Variants in EYS observed in about 807,000 individuals in gnomAD.
EYS encodes the protein EGF-like photoreceptor maintenance factor, also known as protein eyes shut homolog.
Under a neutral mutation model 282.1 loss-of-function variants are expected in EYS, and 250 were observed. The observed-to-expected ratio is 0.89, with a 90% CI of 0.80 to 0.98. The LOEUF (loss-of-function observed/expected upper bound fraction) is 0.98. Ranked by LOEUF, EYS falls within the 50% of genes least tolerant of loss-of-function variation. The pLI, the probability that EYS is intolerant of heterozygous loss-of-function variation, is 0.00. For missense variants in EYS, 4,016 were observed against 3,709.0 expected, an observed-to-expected ratio of 1.08 and a Z score of -2.15; for synonymous variants, 1,355 against 1,282.9, an observed-to-expected ratio of 1.06 and a Z score of -1.20.
At chr6:65,440,456 T>G (rs1379931555) in intron 5 of EYS, among the ~76,000 whole-genome samples, 2 of 151,910 alleles carry the variant, frequency 1.3e-5, no homozygotes, top group Non-Finnish European at 2.9e-5. Context: ...CTAAATTTTA[T>G]GAAAATGAAA....
intron 12 of EYS, among the ~76,000 whole-genome samples, chr6:65,063,342 A>G (rs562463596): frequency 5.9e-5 from 9 of 152,110 alleles, no homozygotes; most frequent in African/African-American, 2.2e-4. Context: ...TGTATTATAA[A>G]CTACATTTAT....
intron 2 of EYS, among the ~76,000 whole-genome samples, chr6:65,625,950 T>G (rs1413791774): frequency 6.6e-6 from 1 of 152,226 alleles, no homozygotes; most frequent in Non-Finnish European, 1.5e-5. Context: ...ATTTTATCTT[T>G]ACTGAACTTT....
At chr6:63,735,677 C>T (rs973444616) in intron 41 of EYS, among the ~76,000 whole-genome samples, 1 of 152,096 alleles carries the variant, frequency 6.6e-6, no homozygotes, top group African/African-American at 2.4e-5. Context: ...ATTGATACAA[C>T]ACTACAATCC....
intron 13 of EYS, among the ~76,000 whole-genome samples, chr6:65,009,492 G>A (rs1362914253): frequency 1.3e-5 from 2 of 152,056 alleles, no homozygotes; most frequent in Non-Finnish European, 1.5e-5. Flanking sequence ...GTCTTTTTCT[G>A]CATCCCTGTA....
intron 5 of EYS, among the ~76,000 whole-genome samples, chr6:65,442,979 T>C (rs1304054941): frequency 4.9e-5 from 6 of 121,650 alleles, no homozygotes; most frequent in South Asian, 2.6e-4. Flanking sequence ...TATGTATATA[T>C]ACATATGTGC....
intron 18 of EYS, among the ~76,000 whole-genome samples, chr6:64,892,530 T>C (rs963331776): frequency 6.6e-6 from 1 of 152,058 alleles, no homozygotes; most frequent in Non-Finnish European, 1.5e-5. Flanking sequence ...TATAATGTAT[T>C]TTAAAGCATT....
chr6:64,565,101 C>G (rs752942390), intron 26 of EYS, among the ~76,000 whole-genome samples: 1 of 152,056 alleles, frequency 6.6e-6, no homozygotes, highest in African/African-American at 2.4e-5. Flanking sequence ...TTCTCCCATT[C>G]CCTAGATTGT....
rs553546250 is a variant in EYS at position 65,325,373 on chromosome 6, C to G, written c.1766+9607G>C. On this transcript the variant is annotated intron_variant, in intron 11 of 42. Transcript: ENST00000503581. ...ACAAACGCTGCATTTGATACCTACA[C>G]TGTCTCATTTCATCATTATTTAATC... 2.6e-5 allele frequency among the ~76,000 whole-genome samples: 4 copies of G among 152,286 alleles called. No homozygotes were observed. In the South Asian group the frequency reaches 8.3e-4, roughly 32 times the overall value.
In EYS at chr6:63,937,443, C is replaced by A. The variant is rs569373550; in HGVS notation, c.7055+46940G>T. On this transcript the variant is annotated intron_variant, in intron 35 of 42. Coordinates refer to ENST00000503581, the MANE Select transcript of EYS (RefSeq NM_001142800.2). ...TTGCCCAGGCTGGAGTGCAGTGGCTCGATCTCGGCTCACTACAATCTCCGC... is the reference window on the plus strand; with the variant it reads ...TTGCCCAGGCTGGAGTGCAGTGGCTAGATCTCGGCTCACTACAATCTCCGC... 9.0e-4 allele frequency among the ~76,000 whole-genome samples: 116 copies of A among 129,326 alleles called. 1 individual carries two copies. Among genetic ancestry groups the A allele is most frequent in the African/African-American group, 3.2e-3 (112 of 34,974 alleles). 84.8% of individuals were successfully genotyped at this position (129,326 alleles called of 152,430 possible). A position where few individuals can be genotyped will look rare whatever the true frequency, so the allele number is the denominator to read the frequency against.
intron 22 of EYS, among the ~76,000 whole-genome samples, chr6:64,701,654 A>G (rs1247637242): frequency 4.6e-5 from 7 of 152,182 alleles, no homozygotes; most frequent in Admixed American, 3.3e-4. Context: ...ATGTGTACAT[A>G]TGGACATAAA....
intron 22 of EYS, among the ~76,000 whole-genome samples, chr6:64,699,913 C>T (rs1348793239): frequency 6.6e-6 from 1 of 152,002 alleles, no homozygotes; most frequent in African/African-American, 2.4e-5. Flanking sequence ...AAACTACATA[C>T]CCATATCTCT....
At chr6:64,455,933 T>C (rs1444403455) in intron 26 of EYS, among the ~76,000 whole-genome samples, 2 of 152,168 alleles carry the variant, frequency 1.3e-5, no homozygotes, top group Non-Finnish European at 2.9e-5. Context: ...GGTATTTTAA[T>C]ATTAACCCAT....
intron 11 of EYS, 130 bp downstream of exon 11, chr6:65,334,850 G>A: frequency 1.3e-6 from 1 of 747,912 alleles, no homozygotes; most frequent in Non-Finnish European, 2.3e-6. Context: ...GTATATGTAA[G>A]TGTTTGTTAT....
At chr6:64,629,151 T>C (rs1767702569) in intron 22 of EYS, among the ~76,000 whole-genome samples, 1 of 152,214 alleles carries the variant, frequency 6.6e-6, no homozygotes. Context: ...TCGACTGTTT[T>C]GAAGGGCATT....
intron 19 of EYS, among the ~76,000 whole-genome samples, chr6:64,823,051 A>G (rs1227969098): frequency 6.6e-6 from 1 of 151,978 alleles, no homozygotes; most frequent in African/African-American, 2.4e-5. Flanking sequence ...AGCTTAATCT[A>G]CTGAGGAGAT....
At chr6:64,458,966 T>C (rs1775653898) in intron 26 of EYS, among the ~76,000 whole-genome samples, 1 of 152,312 alleles carries the variant, frequency 6.6e-6, no homozygotes, top group South Asian at 2.1e-4. Context: ...AACATTCTCA[T>C]TTCTAAGACA....
intron 22 of EYS, among the ~76,000 whole-genome samples, chr6:64,705,684 G>A (rs1416931506): frequency 6.6e-6 from 1 of 151,556 alleles, no homozygotes; most frequent in African/African-American, 2.4e-5. Flanking sequence ...GTAGGGACAT[G>A]GATGAAATTG....
rs369773695 is a variant in EYS, at chr6:65,531,758, C to T, written c.-332-35765G>A. Among the ~76,000 whole-genome samples the T allele has an allele frequency of 2.6e-5, 4 of 152,246 alleles. No individual in the cohort carries two copies. The East Asian group carries it at 7.7e-4, about 29-fold the overall frequency. ...AGTAATCAACAGGTGCCCACAGATGCTGATTGAAAGATAGAAAACAGCTAA... is the reference window on the plus strand; with the variant it reads ...AGTAATCAACAGGTGCCCACAGATGTTGATTGAAAGATAGAAAACAGCTAA... On this transcript the variant is annotated intron_variant, in intron 2 of 42. Transcript: ENST00000503581.
At chr6:65,648,314 A>G (rs867227614) in intron 1 of EYS, among the ~76,000 whole-genome samples, 4 of 147,892 alleles carry the variant, frequency 2.7e-5, no homozygotes, top group East Asian at 4.1e-4. Context: ...AAGAAAATAT[A>G]TGTGTGTGTG....
Sources: gnomAD v4.1 joint callset for allele counts (sites outside exome capture counted in the v4.1 genomes callset) on GRCh38, gnomAD v4.1.1 for gene constraint, MANE v1.5 for transcripts, NCBI Gene and HGNC (gene_info 2026-07-23, HGNC 2026-07-21) for gene names.